Variants in MYSM1 observed in about 807,000 individuals in gnomAD.
The protein encoded by MYSM1 is Myb like, SWIRM and MPN domains 1.
In MYSM1, 51 loss-of-function variants were observed where a neutral mutation model predicts 116.0. That is an observed-to-expected ratio of 0.44 (90% CI 0.35 to 0.56). The LOEUF (loss-of-function observed/expected upper bound fraction) is 0.56, where lower values mean the gene tolerates loss of function less well. Ranked by LOEUF, MYSM1 falls within the 20% of genes least tolerant of loss-of-function variation. The pLI, the probability that MYSM1 is intolerant of heterozygous loss-of-function variation, is 0.00. For missense variants in MYSM1, 900 were observed against 974.9 expected (o/e 0.92, Z 1.02); for synonymous variants, 313 against 315.2 (o/e 0.99, Z 0.07).
intron 14 of MYSM1, 69 bp from the exon 15 acceptor site, chr1:58,667,990 TATC>T: frequency 9.3e-7 from 1 of 1,074,918 alleles, no homozygotes; most frequent in Non-Finnish European, 1.4e-6. Context: ...AAAACTCACT[TATC>T]ATAAGAAAGT....
At chr1:58,668,050 G>A in intron 14 of MYSM1, 129 bp from the exon 15 acceptor site, 2 of 716,038 alleles carry the variant, frequency 2.8e-6, no homozygotes, top group South Asian at 1.6e-5. Context: ...AAGTAGCATA[G>A]GAGAGGAACT....
At position 58,657,064 on chromosome 1, in the gene MYSM1, T is replaced by C. The variant is rs1261111028; in HGVS notation, c.*2933A>G. On this transcript the variant is annotated 3_prime_UTR_variant, in exon 20 of 20. Coordinates refer to ENST00000472487, the MANE Select transcript of MYSM1 (RefSeq NM_001085487.3). ...AAGCAATGTAACTTGAACTGGAAAC[T>C]GAAGATAATTTAAAAGGATTAGAGA... 1.3e-5 allele frequency: 2 copies of C among 152,010 alleles called. No individual in the cohort carries two copies. Among genetic ancestry groups the C allele is most frequent in the Non-Finnish European group, 2.9e-5 (2 of 68,010 alleles). 9.4% of individuals were successfully genotyped at this position (152,010 alleles called of 1,614,324 possible).
At chr1:58,690,317 G>C in intron 4 of MYSM1, 23 bp downstream of exon 4, 1 of 1,589,196 alleles carries the variant, frequency 6.3e-7, no homozygotes, top group Non-Finnish European at 8.6e-7. Context: ...CAGACTTTTA[G>C]AAATATTATA....
intron 6 of MYSM1, among the ~76,000 whole-genome samples, chr1:58,687,460 A>C (rs1644843176): frequency 6.6e-6 from 1 of 152,198 alleles, no homozygotes; most frequent in Admixed American, 6.5e-5. Context: ...CATAAAAAAT[A>C]ACAACCCAAA....
chr1:58,691,890 A>G (rs1454396961), intron 3 of MYSM1, among the ~76,000 whole-genome samples: 2 of 152,198 alleles, frequency 1.3e-5, no homozygotes, highest in African/African-American at 2.4e-5. Context: ...AACAAAACAC[A>G]GTGGATTTCA....
Position 58,673,565 on chromosome 1 carries a change from A to T in MYSM1, c.1572+8T>A, listed in dbSNP as rs1173318887. On this transcript the variant is annotated splice_region_variant and intron_variant, in intron 11 of 19. Transcript: ENST00000472487. ...TCATGGATGAGCCATTTGAAAGGTCAAAGTTACCTCAAACGTTTGTCCTTC... is the reference window on the plus strand; with the variant it reads ...TCATGGATGAGCCATTTGAAAGGTCTAAGTTACCTCAAACGTTTGTCCTTC... 6.2e-7 allele frequency: 1 copy of T among 1,613,372 alleles called. No homozygotes were observed. The highest frequency in any genetic ancestry group is 8.5e-7 in the Non-Finnish European group (1 of 1,179,480).
chr1:58,678,182 G>A (rs1333378936), intron 8 of MYSM1, among the ~76,000 whole-genome samples: 1 of 152,102 alleles, frequency 6.6e-6, no homozygotes, highest in Non-Finnish European at 1.5e-5. Flanking sequence ...AGATAGATAG[G>A]GTGCTTAGGC....
At chr1:58,665,873 A>G (rs942452487) in intron 16 of MYSM1, among the ~76,000 whole-genome samples, 1 of 152,148 alleles carries the variant, frequency 6.6e-6, no homozygotes, top group African/African-American at 2.4e-5. Flanking sequence ...CCTGGCCAAC[A>G]TGGTGAAACC....
intron 2 of MYSM1, among the ~76,000 whole-genome samples, chr1:58,693,876 A>T (rs1358977119): frequency 6.6e-6 from 1 of 152,238 alleles, no homozygotes; most frequent in Non-Finnish European, 1.5e-5. Context: ...AACAAAATGT[A>T]AACCCTTTAG....
chr1:58,698,429 G>GTATAA (rs1557530591), intron 1 of MYSM1, among the ~76,000 whole-genome samples: 2 of 151,848 alleles, frequency 1.3e-5, no homozygotes, highest in East Asian at 3.9e-4. Context: ...TACTCCTTGG[G>GTATAA]GTTGTATAAG....
intron 14 of MYSM1, chr1:58,668,406 G>GT: frequency 2.3e-6 from 3 of 1,280,152 alleles, no homozygotes; most frequent in Non-Finnish European, 3.0e-6. Context: ...GGTTAATGAT[G>GT]GTAAACAGTC....
chr1:58,659,909 G>T lies in MYSM1; in HGVS notation c.*88C>A. 1 of 851,218 alleles carries T rather than the reference G, an allele frequency of 1.2e-6. No homozygotes were observed. The highest frequency in any genetic ancestry group is 1.7e-6 in the Non-Finnish European group (1 of 590,318). 52.7% of individuals were successfully genotyped at this position (851,218 alleles called of 1,614,324 possible). The stretch of plus-strand genomic sequence containing the variant: ...AATAGAGAAAAAATACCAAAGCTGT[G>T]CCAATGTTAACTACAATCACTTCAA... On this transcript the variant is annotated 3_prime_UTR_variant, in exon 20 of 20. Coordinates refer to ENST00000472487, the MANE Select transcript of MYSM1 (RefSeq NM_001085487.3).
intron 16 of MYSM1, among the ~76,000 whole-genome samples, chr1:58,666,675 C>G (rs1644476010): frequency 6.8e-6 from 1 of 147,696 alleles, no homozygotes; most frequent in Non-Finnish European, 1.5e-5. Context: ...GAGTTTGAGA[C>G]CAGCCTGGCT....
chr1:58,690,360 A>G lies in MYSM1; in HGVS notation c.276T>C (p.Asp92=). ...TTTACCTCTTCATGTATTTTTTATC[A>G]TCTTCCTTTTGATCAAGCCAGACTT... is the stretch of plus-strand genomic sequence containing the variant. ...PEKVWLDQKE[D]DKKYMKSLQK... Residue 92 remains aspartate (D), a synonymous_variant, in exon 4 of 20, where the codon GAT becomes GAC. Coordinates refer to ENST00000472487, the MANE Select transcript of MYSM1 (RefSeq NM_001085487.3). 6.2e-7 allele frequency: 1 copy of G among 1,604,146 alleles called. No homozygotes were observed. Among genetic ancestry groups the G allele is most frequent in the Non-Finnish European group, 8.5e-7 (1 of 1,175,336 alleles).
intron 2 of MYSM1, among the ~76,000 whole-genome samples, chr1:58,693,272 T>G (rs2100679829): frequency 6.6e-6 from 1 of 152,326 alleles, no homozygotes; most frequent in South Asian, 2.1e-4. Flanking sequence ...ACACTTAACC[T>G]CTTTCCAAAA....
In MYSM1 at chr1:58,671,975, A is replaced by C; in HGVS notation, c.1573-17T>G. The C allele has an allele frequency of 1.2e-6, 2 of 1,602,500 alleles. No homozygotes were observed. Among genetic ancestry groups the C allele is most frequent in the Non-Finnish European group, 1.7e-6 (2 of 1,170,886 alleles). ...AGAGAGATGCTAAAACAAAATGCCA[A>C]TTGATTAAGGAGTCCATCATCTACT... On this transcript the variant is annotated splice_polypyrimidine_tract_variant and intron_variant, in intron 11 of 19. Transcript: ENST00000472487.
In MYSM1 at chr1:58,677,717, G is replaced by A. The variant is rs184747497; in HGVS notation, c.1260-661C>T. Among the ~76,000 whole-genome samples the A allele has an allele frequency of 1.9e-3, 289 of 152,064 alleles. 1 individual carries two copies. Among genetic ancestry groups the A allele is most frequent in the African/African-American group, 6.7e-3 (277 of 41,494 alleles). On this transcript the variant is annotated intron_variant, in intron 8 of 19. Coordinates refer to ENST00000472487, the MANE Select transcript of MYSM1 (RefSeq NM_001085487.3). ...TGCTAGATGGTACAACATAAAATTC[G>A]AGTAATAAAGAACTTAGTAGAAACT...
At chr1:58,681,053 C>G (rs999600980) in intron 8 of MYSM1, among the ~76,000 whole-genome samples, 5 of 152,164 alleles carry the variant, frequency 3.3e-5, no homozygotes, top group African/African-American at 1.2e-4. Flanking sequence ...TGGTCTCAAA[C>G]TCCTGACCTC....
chr1:58,687,874 C>G (rs892997083), intron 6 of MYSM1, among the ~76,000 whole-genome samples: 1 of 152,142 alleles, frequency 6.6e-6, no homozygotes, highest in Admixed American at 6.5e-5. Context: ...GTTGGTCTCC[C>G]ACTTCTGTAG....
Sources: allele counts gnomAD v4.1 joint callset (sites outside exome capture counted in the v4.1 genomes callset), GRCh38; gene constraint gnomAD v4.1.1; transcripts MANE v1.5; gene names NCBI Gene and HGNC (gene_info 2026-07-23, HGNC 2026-07-21).